The following PRSS12 variants were observed in gnomAD, a reference collection of about 807,000 sequenced individuals.
The protein encoded by PRSS12 is serine protease 12.
Under a neutral mutation model 104.4 loss-of-function variants are expected in PRSS12, and 85 were observed. That is an observed-to-expected ratio of 0.81 (90% confidence interval 0.68 to 0.98). PRSS12 has a LOEUF of 0.98. PRSS12 is among the 50% of genes least tolerant of loss of function. PRSS12 has a pLI of 0.00. For missense variants in PRSS12, 1,141 were observed against 1,139.2 expected, an observed-to-expected ratio of 1.00 and a Z score of -0.02; for synonymous variants, 454 against 425.2, an observed-to-expected ratio of 1.07 and a Z score of -0.83.
At chr4:118,320,991 G>A (rs1397313433) in intron 4 of PRSS12, among the ~76,000 whole-genome samples, 5 of 152,034 alleles carry the variant, frequency 3.3e-5, no homozygotes, top group Non-Finnish European at 7.4e-5. Flanking sequence ...TAGAATCCTG[G>A]CACTATCTGA....
At chr4:118,343,446 A>G (rs1373313884) in intron 1 of PRSS12, among the ~76,000 whole-genome samples, 6 of 152,172 alleles carry the variant, frequency 3.9e-5, no homozygotes, top group African/African-American at 9.7e-5. Flanking sequence ...TCCATATTCC[A>G]TATGTGAAGG....
At chr4:118,286,462 C>T (rs1431246092) in intron 11 of PRSS12, among the ~76,000 whole-genome samples, 1 of 152,140 alleles carries the variant, frequency 6.6e-6, no homozygotes, top group Admixed American at 6.5e-5. Context: ...CTAGGAGGCT[C>T]CTCCTAATCT....
chr4:118,341,676 C>T (rs1348274241), intron 1 of PRSS12, among the ~76,000 whole-genome samples: 1 of 152,018 alleles, frequency 6.6e-6, no homozygotes, highest in Non-Finnish European at 1.5e-5. Flanking sequence ...GAGCAAAACT[C>T]CATCTCAAAA....
chr4:118,300,772 T>A (rs923662891), intron 8 of PRSS12, among the ~76,000 whole-genome samples: 2 of 152,278 alleles, frequency 1.3e-5, no homozygotes, highest in South Asian at 4.1e-4. Flanking sequence ...TGAATATACT[T>A]TCTAGTAGAG....
intron 4 of PRSS12, among the ~76,000 whole-genome samples, chr4:118,318,987 C>G (rs1336902130): frequency 1.3e-5 from 2 of 152,218 alleles, no homozygotes; most frequent in East Asian, 3.9e-4. Flanking sequence ...AATATCACTA[C>G]CATCCATCTC....
chr4:118,325,188 T>C (rs774721232), intron 4 of PRSS12, among the ~76,000 whole-genome samples: 4 of 151,954 alleles, frequency 2.6e-5, no homozygotes, highest in African/African-American at 4.8e-5. Flanking sequence ...AGCTAAATAT[T>C]GAACACACAT....
chr4:118,313,487 T>C (rs1043156826), intron 6 of PRSS12, 90 bp from the exon 7 acceptor site: 2 of 1,344,976 alleles, frequency 1.5e-6, no homozygotes, highest in South Asian at 1.2e-5. Flanking sequence ...CTTAGTTCAG[T>C]GACATGACTT....
chr4:118,286,160 G>A (rs561223740), intron 11 of PRSS12, among the ~76,000 whole-genome samples: 17 of 152,190 alleles, frequency 1.1e-4, no homozygotes, highest in East Asian at 3.9e-4. Context: ...TCATGCTGCC[G>A]CCAGAGTGAT....
At position 118,282,830 on chromosome 4, in the gene PRSS12, C is replaced by T. The variant is rs142377683; in HGVS notation, c.2320+1G>A. On this transcript the variant is annotated splice_donor_variant, in intron 12 of 12. Transcript: ENST00000296498. LOFTEE classifies it high-confidence loss of function. The stretch of plus-strand genomic sequence containing the variant: ...CCCTGCTTTTTTTGATTATGCCTTA[C>T]CTGTGTCACCCCATCCTGTTATGTA... 3.3e-4 allele frequency: 537 copies of T among 1,613,996 alleles called. 1 individual carries two copies. Among genetic ancestry groups the T allele is most frequent in the Non-Finnish European group, 3.9e-4 (466 of 1,180,028 alleles).
At chr4:118,290,995 G>T (rs1192248419) in intron 11 of PRSS12, among the ~76,000 whole-genome samples, 1 of 151,970 alleles carries the variant, frequency 6.6e-6, no homozygotes, top group Non-Finnish European at 1.5e-5. Flanking sequence ...AAAAAGGCAT[G>T]TAAGTACAAA....
chr4:118,329,437 G>A lies in PRSS12; in HGVS notation c.971+2279C>T, dbSNP rs1723863404. Among the ~76,000 whole-genome samples the A allele has an allele frequency of 4.6e-5, 7 of 152,064 alleles. No individual in the cohort carries two copies. In the South Asian group the frequency reaches 1.5e-3, roughly 32 times the overall value. On this transcript the variant is annotated intron_variant, in intron 4 of 12. Coordinates refer to ENST00000296498, the MANE Select transcript of PRSS12 (RefSeq NM_003619.4). ...CTTAATATTTTTGGCAAAGACATAG[G>A]TTTCTTAGTAACTCACATGAAAATC... is the stretch of plus-strand genomic sequence containing the variant.
intron 6 of PRSS12, among the ~76,000 whole-genome samples, chr4:118,315,968 G>A (rs900739182): frequency 1.3e-5 from 2 of 152,102 alleles, no homozygotes; most frequent in African/African-American, 4.8e-5. Context: ...CAAGAAGAGG[G>A]GTCATGGCAG....
chr4:118,305,374 CTTGA>C (rs1413796138), intron 8 of PRSS12, among the ~76,000 whole-genome samples: 3 of 151,992 alleles, frequency 2.0e-5, no homozygotes, highest in South Asian at 2.1e-4. Context: ...TGATGCTTTT[CTTGA>C]TTGATAAGTA....
Position 118,281,843 on chromosome 4 carries a change from C to T in PRSS12, c.*93G>A, listed in dbSNP as rs917504507. 10 of 784,066 alleles carry T rather than the reference C, an allele frequency of 1.3e-5. No homozygotes were observed. The highest frequency in any genetic ancestry group is 1.6e-5 in the Non-Finnish European group (7 of 429,178). The allele number at this position is 784,066 out of a possible 1,614,324, so 48.6% of individuals were successfully genotyped here. ...ACCACAACACAAAGCAAAAACAGAT[C>T]TTGCCATTTGTTGTCATCTCTGCTG... On this transcript the variant is annotated 3_prime_UTR_variant, in exon 13 of 13. Coordinates refer to ENST00000296498, the MANE Select transcript of PRSS12 (RefSeq NM_003619.4).
chr4:118,327,295 G>C (rs1723799566), intron 4 of PRSS12, among the ~76,000 whole-genome samples: 3 of 151,968 alleles, frequency 2.0e-5, no homozygotes, highest in South Asian at 4.1e-4. Flanking sequence ...GGGACCACCA[G>C]TGCGTGCCAC....
At chr4:118,323,857 T>G (rs1723696451) in intron 4 of PRSS12, among the ~76,000 whole-genome samples, 1 of 151,784 alleles carries the variant, frequency 6.6e-6, no homozygotes, top group South Asian at 2.1e-4. Context: ...CAGTTACAGT[T>G]TACTTATATA....
At chr4:118,299,065 A>C in intron 8 of PRSS12, 127 bp from the exon 9 acceptor site, 1 of 1,097,038 alleles carries the variant, frequency 9.1e-7, no homozygotes, top group East Asian at 2.6e-5. Flanking sequence ...TGTGCTAAAA[A>C]CCATTTGTTT....
chr4:118,324,805 C>T (rs149881907), intron 4 of PRSS12, among the ~76,000 whole-genome samples: 6,800 of 152,042 alleles, frequency 0.045, 271 homozygotes, highest in South Asian at 0.14. Flanking sequence ...CTCTGCCTCC[C>T]GGGTTCAAGC....
chr4:118,347,190 C>A (rs903722496), intron 1 of PRSS12, among the ~76,000 whole-genome samples: 3 of 152,152 alleles, frequency 2.0e-5, no homozygotes, highest in African/African-American at 7.2e-5. Context: ...TTAAAATCAA[C>A]CAGGAAATGT....
Sources: allele counts gnomAD v4.1 joint callset (sites outside exome capture counted in the v4.1 genomes callset), GRCh38; gene constraint gnomAD v4.1.1; transcripts MANE v1.5; gene names NCBI Gene and HGNC (gene_info 2026-07-23, HGNC 2026-07-21).